The following BMPR1B variants were observed in gnomAD, a reference collection of about 807,000 sequenced individuals.
BMPR1B encodes the protein bone morphogenetic protein receptor type 1B, also known as bone morphogenetic protein receptor type-1B.
BMPR1B carries 12 observed loss-of-function variants against 59.1 expected under a neutral mutation model. That is an observed-to-expected ratio of 0.20 (90% CI 0.13 to 0.33). BMPR1B has a LOEUF of 0.33. Among genes scored for constraint, BMPR1B ranks in the 10% least tolerant of loss-of-function variants. The pLI is 1.00. For missense variants in BMPR1B, 550 were observed against 610.9 expected (o/e 0.90, Z 1.05); for synonymous variants, 237 against 207.3 (o/e 1.14, Z -1.23).
At chr4:95,107,980 T>A (rs1731311508) in intron 4 of BMPR1B, among the ~76,000 whole-genome samples, 1 of 152,090 alleles carries the variant, frequency 6.6e-6, no homozygotes, top group Admixed American at 6.6e-5. Context: ...CACTCTACTC[T>A]CTACCCTCCA....
At chr4:94,773,271 C>CAT (rs913299414) in intron 1 of BMPR1B, among the ~76,000 whole-genome samples, 26 of 152,188 alleles carry the variant, frequency 1.7e-4, no homozygotes, top group African/African-American at 4.8e-4. Context: ...ATAATAGTAG[C>CAT]ATATATCATT....
chr4:94,922,167 G>A (rs1728713947), intron 2 of BMPR1B, among the ~76,000 whole-genome samples: 1 of 152,120 alleles, frequency 6.6e-6, no homozygotes, highest in African/African-American at 2.4e-5. Flanking sequence ...AGAGAAGGGA[G>A]TCTTCCAGTG....
chr4:95,038,008 A>T (rs1478504647), intron 3 of BMPR1B, among the ~76,000 whole-genome samples: 2 of 152,112 alleles, frequency 1.3e-5, no homozygotes, highest in Admixed American at 1.3e-4. Context: ...TGCTATGGAG[A>T]AAAAAAGATA....
At chr4:94,950,210 C>T (rs1342341461) in intron 2 of BMPR1B, among the ~76,000 whole-genome samples, 1 of 152,068 alleles carries the variant, frequency 6.6e-6, no homozygotes, top group East Asian at 1.9e-4. Context: ...GGATAGATTG[C>T]AAAAATTTTC....
intron 2 of BMPR1B, among the ~76,000 whole-genome samples, chr4:94,916,152 A>G (rs1428538539): frequency 6.6e-6 from 1 of 152,148 alleles, no homozygotes; most frequent in African/African-American, 2.4e-5. Context: ...CTTTATTGCA[A>G]TACAGGAACA....
At chr4:94,803,229 A>C (rs1560492512) in intron 1 of BMPR1B, among the ~76,000 whole-genome samples, 1 of 152,160 alleles carries the variant, frequency 6.6e-6, no homozygotes, top group Non-Finnish European at 1.5e-5. Context: ...CTTATTCTAA[A>C]GCTACCTCAA....
At chr4:94,865,351 T>C (rs1051054938) in intron 1 of BMPR1B, among the ~76,000 whole-genome samples, 6 of 151,930 alleles carry the variant, frequency 3.9e-5, no homozygotes, top group African/African-American at 1.4e-4. Context: ...TATAAGAATA[T>C]AGAACATAGT....
intron 3 of BMPR1B, among the ~76,000 whole-genome samples, chr4:95,069,196 G>A (rs992533038): frequency 3.9e-5 from 6 of 152,090 alleles, no homozygotes; most frequent in Admixed American, 3.3e-4. Context: ...TACCACCCAT[G>A]TCCAAACCAC....
chr4:95,153,569 C>T (rs753349815), intron 12 of BMPR1B, among the ~76,000 whole-genome samples: 7 of 152,178 alleles, frequency 4.6e-5, no homozygotes, highest in Non-Finnish European at 8.8e-5. Flanking sequence ...AATCTCTGGG[C>T]CGGGCACTGT....
chr4:94,828,556 C>T (rs1217328356), intron 1 of BMPR1B, among the ~76,000 whole-genome samples: 1 of 152,124 alleles, frequency 6.6e-6, no homozygotes, highest in Non-Finnish European at 1.5e-5. Context: ...GCAGAACTTT[C>T]AGGGCTTCCA....
intron 3 of BMPR1B, among the ~76,000 whole-genome samples, chr4:95,102,976 C>T (rs1017074376): frequency 2.0e-5 from 3 of 152,004 alleles, no homozygotes; most frequent in African/African-American, 7.2e-5. Context: ...CTGCATACGA[C>T]AATCTTCTCA....
At chr4:94,984,356 G>T (rs971898287) in intron 2 of BMPR1B, among the ~76,000 whole-genome samples, 4 of 152,140 alleles carry the variant, frequency 2.6e-5, no homozygotes, top group African/African-American at 9.7e-5. Context: ...TAAACTCAAT[G>T]AAAACTTTCA....
chr4:95,085,013 G>A (rs552830509), intron 3 of BMPR1B, among the ~76,000 whole-genome samples: 2 of 152,264 alleles, frequency 1.3e-5, no homozygotes, highest in East Asian at 1.9e-4. Flanking sequence ...TACATGTTTT[G>A]TATGTAAGTT....
chr4:94,939,213 A>T (rs917041385), intron 2 of BMPR1B, among the ~76,000 whole-genome samples: 1 of 152,134 alleles, frequency 6.6e-6, no homozygotes, highest in Admixed American at 6.5e-5. Flanking sequence ...ATACATTCCT[A>T]TGGAGATTCT....
intron 2 of BMPR1B, among the ~76,000 whole-genome samples, chr4:94,898,247 C>G (rs576041464): frequency 1.5e-4 from 23 of 152,132 alleles, no homozygotes; most frequent in African/African-American, 5.1e-4. Context: ...CTACCAAGTG[C>G]AGTCCTGACA....
At chr4:94,860,839 A>G (rs1283673732) in intron 1 of BMPR1B, among the ~76,000 whole-genome samples, 3 of 144,780 alleles carry the variant, frequency 2.1e-5, no homozygotes, top group Non-Finnish European at 3.0e-5. Flanking sequence ...GTTGGCTTTT[A>G]TATGTCTTTC....
At chr4:94,796,754 T>A (rs1723210530) in intron 1 of BMPR1B, among the ~76,000 whole-genome samples, 1 of 152,194 alleles carries the variant, frequency 6.6e-6, no homozygotes, top group African/African-American at 2.4e-5. Flanking sequence ...TGACTGTATA[T>A]TTCCAAAGAT....
intron 2 of BMPR1B, among the ~76,000 whole-genome samples, chr4:94,913,023 A>C (rs1418979418): frequency 6.6e-6 from 1 of 152,124 alleles, no homozygotes; most frequent in Non-Finnish European, 1.5e-5. Context: ...AAAATTCTTA[A>C]AACTCCCAGG....
intron 1 of BMPR1B, among the ~76,000 whole-genome samples, chr4:94,850,478 G>A (rs1030659741): frequency 6.7e-6 from 1 of 149,372 alleles, no homozygotes; most frequent in African/African-American, 2.5e-5. Flanking sequence ...CTGAGATATG[G>A]TGTGAAAATG....
Sources: allele counts gnomAD v4.1 joint callset (sites outside exome capture counted in the v4.1 genomes callset), GRCh38; gene constraint gnomAD v4.1.1; transcripts MANE v1.5; gene names NCBI Gene and HGNC (gene_info 2026-07-23, HGNC 2026-07-21).